Variants in ZNF449 observed in about 807,000 individuals in gnomAD.
ZNF449 encodes the protein zinc finger and SCAN domain-containing protein 19.
Under a neutral mutation model 32.6 loss-of-function variants are expected in ZNF449, and 4 were observed. The observed-to-expected ratio is 0.12, with a 90% CI of 0.06 to 0.28. ZNF449 has a LOEUF of 0.28. Ranked by LOEUF, ZNF449 falls within the 10% of genes least tolerant of loss-of-function variation. The pLI is 1.00. For synonymous variants in ZNF449, 123 were observed against 132.2 expected (o/e 0.93, Z 0.48); for missense variants, 275 against 383.2 (o/e 0.72, Z 2.36).
At position 135,360,490 on chromosome X, in the gene ZNF449, G is replaced by T; in HGVS notation, c.971G>T (p.Arg324Leu). 4 of 1,211,415 alleles carry T rather than the reference G, an allele frequency of 3.3e-6. No homozygotes were observed. The highest frequency in any genetic ancestry group is 4.5e-6 in the Non-Finnish European group (4 of 895,335). ...KKKSPGEKPH[R>L]CPQCGKCFAR... ...AAGAGTCCAGGAGAGAAACCTCACC[G>T]ATGTCCTCAGTGTGGAAAATGTTTT... The change falls in exon 5 of 5, where the codon CGA (arginine) becomes CTA (leucine). Residue 324 changes from arginine (R) to leucine (L), a missense_variant. Arg to Leu is a moderately radical substitution (Grantham distance 102). Transcript: ENST00000339249.
At position 135,360,909 on chromosome X, in the gene ZNF449, A is replaced by G. The variant is rs1302158643; in HGVS notation, c.1390A>G (p.Lys464Glu). The change falls in exon 5 of 5, where the codon AAA (lysine) becomes GAA (glutamate). Residue 464 changes from lysine to glutamate, a missense_variant. By Grantham distance (56) the Lys-to-Glu change is moderately conservative (BLOSUM62 1). Transcript: ENST00000339249. ...AACGCATACTGAAGAGAGACCTTTT[A>G]AATGTAATTATTGTGGGAAAAGTTT... The part of the protein sequence containing the change: ...QRTHTEERPF[K>E]CNYCGKSFRQ... 1.2e-5 allele frequency: 14 copies of G among 1,209,540 alleles called. No individual in the cohort carries two copies. The highest frequency in any genetic ancestry group is 1.6e-5 in the Non-Finnish European group (14 of 895,018).
chrX:135,352,806 A>G (rs1163449678), intron 3 of ZNF449, among the ~76,000 whole-genome samples: 1 of 111,955 alleles, frequency 8.9e-6, no homozygotes, highest in East Asian at 2.8e-4. Context: ...TTCTTGGTGT[A>G]GTGAAGCTCT....
chrX:135,346,244 G>A (rs181522028), intron 1 of ZNF449, among the ~76,000 whole-genome samples: 25 of 111,980 alleles, frequency 2.2e-4, no homozygotes, highest in Non-Finnish European at 1.9e-4. Context: ...CTATTGCAGT[G>A]TATTTTTCAC....
Position 135,362,872 on chromosome X carries a change from T to C in ZNF449, c.*1796T>C, listed in dbSNP as rs2084955198. 1 of 112,013 alleles carries C rather than the reference T, an allele frequency of 8.9e-6. No homozygotes were observed. Among genetic ancestry groups the C allele is most frequent in the Non-Finnish European group, 1.9e-5 (1 of 53,145 alleles). The allele number at this position is 112,013 out of a possible 1,213,427, so 9.2% of individuals were successfully genotyped here. A position where few individuals can be genotyped will look rare whatever the true frequency, so the allele number is the denominator to read the frequency against. ...AGAGTTTGTAATTAAGTGCCAATTA[T>C]ACCAATTGCTAGACCCAGGATGTAT... On this transcript the variant is annotated 3_prime_UTR_variant, in exon 5 of 5. Transcript: ENST00000339249.
chrX:135,350,134 G>A (rs1238042691), intron 3 of ZNF449, among the ~76,000 whole-genome samples: 1 of 110,607 alleles, frequency 9.0e-6, no homozygotes, highest in Non-Finnish European at 1.9e-5. Context: ...AGCCTCTCAA[G>A]TAGCTGGGAT....
At chrX:135,356,647 A>T (rs1556451981) in intron 3 of ZNF449, among the ~76,000 whole-genome samples, 2 of 111,595 alleles carry the variant, frequency 1.8e-5, no homozygotes, top group Non-Finnish European at 1.9e-5. Context: ...AAATTTAACT[A>T]CTAATAGCCT....
intron 1 of ZNF449, among the ~76,000 whole-genome samples, chrX:135,346,265 C>G (rs1556448206): frequency 2.7e-5 from 3 of 111,773 alleles, no homozygotes. Context: ...ATAGGAGATC[C>G]TCTTGGAATG....
At position 135,360,203 on chromosome X, in the gene ZNF449, C is replaced by T. The variant is rs144200813; in HGVS notation, c.684C>T (p.Ile228=). 4.3e-5 allele frequency: 50 copies of T among 1,173,125 alleles called. No homozygotes were observed. Among genetic ancestry groups the T allele is most frequent in the South Asian group, 5.9e-5 (3 of 50,542 alleles). ...TATTTCTTCTCTCAGGTTTTGAGAT[C>T]GGGATAGAAAATGAAGAAGATACTT... ...QLLDSKIGFE[I]GIENEEDTSK... is the part of the protein sequence containing the mutation. The change falls in exon 5 of 5, where the codon ATC becomes ATT. Residue 228 remains isoleucine, a synonymous_variant. Coordinates refer to ENST00000339249, the MANE Select transcript of ZNF449 (RefSeq NM_152695.6).
At chrX:135,348,609 C>T (rs1193970078) in intron 2 of ZNF449, 1 of 403,136 alleles carries the variant, frequency 2.5e-6, no homozygotes, top group Non-Finnish European at 3.6e-6. Context: ...GGGTTCTCTG[C>T]AGGAGCTGTT....
chrX:135,359,766 G>A, intron 3 of ZNF449, 126 bp from the exon 4 acceptor site: 1 of 445,095 alleles, frequency 2.2e-6, no homozygotes, highest in Admixed American at 3.6e-5. Context: ...AAGAGACTCA[G>A]GTGAAGTAAT....
At position 135,361,731 on chromosome X, in the gene ZNF449, T is replaced by C. The variant is rs1399094015; in HGVS notation, c.*655T>C. On this transcript the variant is annotated 3_prime_UTR_variant, in exon 5 of 5. Transcript: ENST00000339249. ...AGAACCAGGGTCTTTTGCTCTCCTT[T>C]GGTATTTCACTCTCCTTTGGTATTC... 10 of 111,967 alleles carry C rather than the reference T, an allele frequency of 8.9e-5. No individual in the cohort carries two copies. The highest frequency in any genetic ancestry group is 1.9e-5 in the Non-Finnish European group (1 of 53,077). 9.2% of individuals were successfully genotyped at this position (111,967 alleles called of 1,213,427 possible).
intron 3 of ZNF449, among the ~76,000 whole-genome samples, chrX:135,354,280 C>T (rs782502732): frequency 6.2e-5 from 7 of 112,093 alleles, no homozygotes; most frequent in African/African-American, 2.3e-4. Context: ...TGTTGGCCAA[C>T]AGAGTAGGGC....
Position 135,360,253 on chromosome X carries a change from T to C in ZNF449, c.734T>C (p.Met245Thr). 8.3e-7 allele frequency: 1 copy of C among 1,202,570 alleles called. No homozygotes were observed. Among genetic ancestry groups the C allele is most frequent in the East Asian group, 3.0e-5 (1 of 33,805 alleles). The change falls in exon 5 of 5, where the codon ATG (methionine) becomes ACG (threonine). Residue 245 changes from methionine to threonine, a missense_variant. By Grantham distance (81) the Met-to-Thr change is moderately conservative (BLOSUM62 -1). This residue lies in a region of ZNF449 where 165 missense variants were observed against 175.0 expected (regional missense o/e 0.94). Transcript: ENST00000339249. Reference protein sequence around the residue: ...DTSKQKKMETMYPFIVTLEGN... With the variant: ...DTSKQKKMETTYPFIVTLEGN... ...TCAAAACAGAAAAAAATGGAGACTA[T>C]GTATCCATTTATTGTAACTTTAGAG...
rs2084846199 is a variant in ZNF449, at chrX:135,346,140, T to C, written c.-100-879T>C. ...CCTTGGGTGAGGGTTAACTGACAAG[T>C]ATATGTAGAATGCTTAGAACAGTAC... On this transcript the variant is annotated intron_variant, in intron 1 of 4. Coordinates refer to ENST00000339249, the MANE Select transcript of ZNF449 (RefSeq NM_152695.6). Among the ~76,000 whole-genome samples, 3 of 112,120 alleles carry C rather than the reference T, an allele frequency of 2.7e-5. No individual in the cohort carries two copies. The South Asian group carries it at 1.1e-3, about 42-fold the overall frequency.
intron 3 of ZNF449, among the ~76,000 whole-genome samples, chrX:135,353,976 G>C (rs1274453904): frequency 1.8e-4 from 20 of 111,994 alleles, no homozygotes; most frequent in African/African-American, 6.2e-4. Flanking sequence ...AGAGCTCCTT[G>C]ACAGAAGTAG....
intron 3 of ZNF449, among the ~76,000 whole-genome samples, chrX:135,357,014 A>G (rs1452946174): frequency 1.8e-5 from 2 of 111,445 alleles, no homozygotes; most frequent in African/African-American, 6.5e-5. Flanking sequence ...TCAATGGTCA[A>G]CTGTGTATTC....
At chrX:135,353,122 A>G (rs1369152662) in intron 3 of ZNF449, among the ~76,000 whole-genome samples, 4 of 111,598 alleles carry the variant, frequency 3.6e-5, no homozygotes, top group African/African-American at 6.5e-5. Flanking sequence ...TTCCTTGCCA[A>G]AGGAATTTCT....
chrX:135,345,695 A>C (rs1427506747), intron 1 of ZNF449, among the ~76,000 whole-genome samples: 1 of 112,014 alleles, frequency 8.9e-6, no homozygotes, highest in Non-Finnish European at 1.9e-5. Flanking sequence ...CCGATCTGCT[A>C]AAGTCGGGCT....
chrX:135,347,630 A>C, intron 2 of ZNF449, 158 bp downstream of exon 2: 1 of 1,146,517 alleles, frequency 8.7e-7, no homozygotes, highest in South Asian at 2.1e-5. Context: ...CAAATGAGTC[A>C]GTGCTTTTAA....
Sources: allele counts gnomAD v4.1 joint callset (sites outside exome capture counted in the v4.1 genomes callset), GRCh38; gene constraint gnomAD v4.1.1; regional missense constraint gnomAD v4.1.1; transcripts MANE v1.5; gene names NCBI Gene and HGNC (gene_info 2026-07-23, HGNC 2026-07-21).